Variants in GPHN observed in about 807,000 individuals in gnomAD.
GPHN encodes the protein gephyrin.
A neutral mutation model predicts 95.5 loss-of-function variants in GPHN; 17 were observed. That is an observed-to-expected ratio of 0.18 (90% confidence interval 0.12 to 0.27). The LOEUF (loss-of-function observed/expected upper bound fraction) is 0.27. Among genes scored for constraint, GPHN ranks in the 10% least tolerant of loss-of-function variants. The probability of loss-of-function intolerance (pLI) is 1.00; values close to 1 mark genes in which losing one functional copy is unlikely to be tolerated. For synonymous variants in GPHN, 320 were observed against 322.5 expected (o/e 0.99, Z 0.08); for missense variants, 660 against 978.1 (o/e 0.67, Z 4.34).
the GPHN span, among the ~76,000 whole-genome samples, chr14:67,301,128 G>A: frequency 1.3e-5 from 2 of 152,074 alleles, no homozygotes; most frequent in African/African-American, 2.4e-5. Context: ...TTTATGGTAT[G>A]TTGGGTGAAA....
At chr14:67,508,499 T>C in the GPHN span, among the ~76,000 whole-genome samples, 3 of 152,100 alleles carry the variant, frequency 2.0e-5, no homozygotes, top group African/African-American at 4.8e-5. Context: ...TGTTCCATCA[T>C]ACAGCCTCAC....
At chr14:67,569,864 C>A in the GPHN span, 5 of 1,126,482 alleles carry the variant, frequency 4.4e-6, no homozygotes, top group Non-Finnish European at 5.3e-6. Context: ...CTGCTTCCCC[C>A]ACACCCCTTC....
At chr14:66,804,069 T>G (rs1046112822) in intron 3 of GPHN, among the ~76,000 whole-genome samples, 1 of 152,216 alleles carries the variant, frequency 6.6e-6, no homozygotes, top group Admixed American at 6.5e-5. Flanking sequence ...CAAGTAATTT[T>G]TAATAATTTT....
the GPHN span, chr14:67,350,463 G>T: frequency 1.7e-6 from 1 of 576,478 alleles, no homozygotes; most frequent in Non-Finnish European, 2.9e-6. Flanking sequence ...GTGGAGTTAA[G>T]GTGATGGGGT....
the GPHN span, chr14:67,541,934 A>G: frequency 6.2e-7 from 1 of 1,607,152 alleles, no homozygotes; most frequent in Non-Finnish European, 8.5e-7. Flanking sequence ...GACCCTGGAA[A>G]CTCAGCTTTT....
At chr14:66,911,908 A>C (rs1440174867) in intron 5 of GPHN, among the ~76,000 whole-genome samples, 4 of 152,036 alleles carry the variant, frequency 2.6e-5, no homozygotes, top group Admixed American at 6.6e-5. Flanking sequence ...GCTTTTCTTC[A>C]TCACCTTTGC....
intron 1 of GPHN, among the ~76,000 whole-genome samples, chr14:66,513,467 G>A (rs1452098097): frequency 3.3e-5 from 5 of 151,604 alleles, no homozygotes; most frequent in African/African-American, 1.2e-4. Flanking sequence ...GTTGAACAGG[G>A]TGTTTTTAAA....
At chr14:66,902,673 TG>T (rs2065178541) in intron 5 of GPHN, among the ~76,000 whole-genome samples, 1 of 152,140 alleles carries the variant, frequency 6.6e-6, no homozygotes, top group African/African-American at 2.4e-5. Context: ...TCACATTTAT[TG>T]ATTTGCATAT....
chr14:67,555,961 A>G, the GPHN span: 3 of 1,560,546 alleles, frequency 1.9e-6, no homozygotes, highest in Admixed American at 5.6e-5. Context: ...TCCCACGGAC[A>G]CAGGTGGACA....
chr14:67,729,277 C>T, the GPHN span: 2 of 1,605,878 alleles, frequency 1.2e-6, no homozygotes, highest in Non-Finnish European at 1.7e-6. Context: ...CCTGCTCTGG[C>T]GGCTCTTCTC....
At chr14:67,018,431 T>G (rs868083133) in intron 9 of GPHN, among the ~76,000 whole-genome samples, 1 of 152,036 alleles carries the variant, frequency 6.6e-6, no homozygotes, top group Non-Finnish European at 1.5e-5. Flanking sequence ...CATCAGAAAA[T>G]AAGCAACAGT....
At chr14:67,301,497 G>T in the GPHN span, 2 of 1,492,480 alleles carry the variant, frequency 1.3e-6, no homozygotes, top group Non-Finnish European at 1.8e-6. Flanking sequence ...TATATATGTG[G>T]TTTTTCCAGC....
intron 1 of GPHN, among the ~76,000 whole-genome samples, chr14:66,634,609 G>A (rs1293984890): frequency 6.6e-6 from 1 of 152,086 alleles, no homozygotes; most frequent in African/African-American, 2.4e-5. Flanking sequence ...TCGCATCCCT[G>A]GGCCGGGCTA....
intron 11 of GPHN, among the ~76,000 whole-genome samples, chr14:67,078,512 A>G (rs1188345484): frequency 6.6e-6 from 1 of 152,134 alleles, no homozygotes; most frequent in African/African-American, 2.4e-5. Flanking sequence ...GTTTTATCCA[A>G]CACTACTGCT....
At chr14:67,610,698 C>G in the GPHN span, among the ~76,000 whole-genome samples, 1 of 152,154 alleles carries the variant, frequency 6.6e-6, no homozygotes, top group Admixed American at 6.5e-5. Flanking sequence ...ACCCACACTT[C>G]CTGGGAACTG....
At chr14:67,402,333 G>C in the GPHN span, among the ~76,000 whole-genome samples, 1 of 152,036 alleles carries the variant, frequency 6.6e-6, no homozygotes, top group Non-Finnish European at 1.5e-5. Context: ...GGGTACATGA[G>C]CTATTTTGAT....
At chr14:67,652,016 A>G in the GPHN span, among the ~76,000 whole-genome samples, 3 of 152,308 alleles carry the variant, frequency 2.0e-5, no homozygotes, top group East Asian at 5.8e-4. Flanking sequence ...TGTTCACTCT[A>G]GGTTTCTCCC....
chr14:67,379,142 T>G, the GPHN span, among the ~76,000 whole-genome samples: 7 of 152,216 alleles, frequency 4.6e-5, no homozygotes, highest in Non-Finnish European at 8.8e-5. Flanking sequence ...TTCCCTTCTG[T>G]GCCATTTGTC....
the GPHN span, among the ~76,000 whole-genome samples, chr14:67,405,816 G>C: frequency 5.3e-5 from 8 of 152,200 alleles, no homozygotes; most frequent in Non-Finnish European, 1.0e-4. Flanking sequence ...ATGTAGGTGA[G>C]CTCAGAATTG....
Sources: allele counts gnomAD v4.1 joint callset (sites outside exome capture counted in the v4.1 genomes callset), GRCh38; gene constraint gnomAD v4.1.1; transcripts MANE v1.5; gene names NCBI Gene and HGNC (gene_info 2026-07-23, HGNC 2026-07-21).